The following HHLA1 variants were observed in gnomAD, a reference collection of about 807,000 sequenced individuals.
HHLA1 encodes HHLA1 neighbor of OC90, also known as HERV-H LTR-associating protein 1.
A neutral mutation model predicts 69.9 loss-of-function variants in HHLA1; 72 were observed. The ratio of observed to expected loss-of-function variants is 1.03; its 90% CI spans 0.85 to 1.25. The LOEUF is 1.25. Among genes scored for constraint, HHLA1 ranks in the 50% most tolerant of loss-of-function variants. HHLA1 has a pLI of 0.00. For synonymous variants in HHLA1, 252 were observed against 233.2 expected (o/e 1.08, Z -0.73); for missense variants, 685 against 642.2 (o/e 1.07, Z -0.72).
chr8:132,096,945 G>C (rs1029002643), intron 5 of HHLA1, among the ~76,000 whole-genome samples: 1 of 152,144 alleles, frequency 6.6e-6, no homozygotes, highest in Admixed American at 6.5e-5. Flanking sequence ...AAAGCGCTGG[G>C]ATTATAGGCA....
chr8:132,078,728 AAG>A (rs1242694715), intron 11 of HHLA1, among the ~76,000 whole-genome samples: 1 of 152,294 alleles, frequency 6.6e-6, no homozygotes, highest in East Asian at 1.9e-4. Context: ...GAGCTCAGGA[AAG>A]AGAGAGAACA....
intron 10 of HHLA1, among the ~76,000 whole-genome samples, chr8:132,082,038 G>A (rs939699253): frequency 6.6e-6 from 1 of 152,120 alleles, no homozygotes; most frequent in Non-Finnish European, 1.5e-5. Flanking sequence ...TGGGGAAATG[G>A]GGTGAATGTC....
intron 8 of HHLA1, among the ~76,000 whole-genome samples, chr8:132,088,890 AT>A (rs1172336196): frequency 1.3e-5 from 2 of 152,158 alleles, no homozygotes; most frequent in African/African-American, 4.8e-5. Context: ...CCCTTACAAG[AT>A]TATCTGACAC....
intron 11 of HHLA1, among the ~76,000 whole-genome samples, chr8:132,078,328 G>A (rs1417948960): frequency 6.6e-6 from 1 of 152,044 alleles, no homozygotes; most frequent in Non-Finnish European, 1.5e-5. Context: ...TGGGGTCTGA[G>A]GTGAGGAGAT....
chr8:132,101,581 A>C (rs867461120), intron 3 of HHLA1, among the ~76,000 whole-genome samples: 22 of 108,016 alleles, frequency 2.0e-4, no homozygotes, highest in African/African-American at 7.2e-4. Flanking sequence ...CTACCCTATT[A>C]ATTTTTTTTT....
chr8:132,108,536 C>A (rs2116464), intron 1 of HHLA1, among the ~76,000 whole-genome samples: 14,572 of 152,024 alleles, frequency 0.096, 991 homozygotes, highest in African/African-American at 0.17. Context: ...TTGTTTCTTC[C>A]GTGACACTTG....
chr8:132,078,057 T>C, intron 11 of HHLA1, 86 bp from the exon 12 acceptor site: 1 of 1,415,812 alleles, frequency 7.1e-7, no homozygotes, highest in Non-Finnish European at 9.7e-7. Context: ...ATTGAAACGT[T>C]ATCAAAGGGC....
chr8:132,084,508 G>A lies in HHLA1; in HGVS notation c.676+3145C>T, dbSNP rs190243461. ...AGACAGTTTGCCTATTTTACGACAA[G>A]AATTATTTAGATTTTGCAGGATGGA... is the stretch of plus-strand genomic sequence containing the variant. On this transcript the variant is annotated intron_variant, in intron 10 of 16. Transcript: ENST00000414222. Among the ~76,000 whole-genome samples, 1,298 of 152,236 alleles carry A rather than the reference G, an allele frequency of 8.5e-3. 19 individuals are homozygous for A. Among genetic ancestry groups the A allele is most frequent in the African/African-American group, 0.029 (1,217 of 41,540 alleles).
At chr8:132,082,835 G>A (rs920422679) in intron 10 of HHLA1, among the ~76,000 whole-genome samples, 9 of 152,160 alleles carry the variant, frequency 5.9e-5, no homozygotes, top group African/African-American at 1.9e-4. Context: ...TGCAGATCCT[G>A]AACTAACTTG....
chr8:132,071,348 C>T lies in HHLA1; in HGVS notation c.1461G>A (p.Glu487=). The stretch of plus-strand genomic sequence containing the variant: ...CCACTGGGCCAAGTTACCTCATGTC[C>T]TCTGTCCTGGGACTCCTCTGGCTCA... ...LCMSQRSPRT[E]DMRYCLEYYS... The change falls in exon 15 of 17, where the codon GAG becomes GAA. Residue 487 remains glutamate, a synonymous_variant. Coordinates refer to ENST00000414222, the MANE Select transcript of HHLA1 (RefSeq NM_001145095.3). 1 of 1,551,076 alleles carries T rather than the reference C, an allele frequency of 6.4e-7. No homozygotes were observed. The highest frequency in any genetic ancestry group is 2.4e-5 in the East Asian group (1 of 40,916).
In HHLA1 at chr8:132,095,593, A is replaced by C; in HGVS notation, c.374T>G (p.Leu125Arg). 1 of 1,547,384 alleles carries C rather than the reference A, an allele frequency of 6.5e-7. No individual in the cohort carries two copies. Residue 125 changes from leucine (L) to arginine (R), a missense_variant, in exon 7 of 17, where the codon CTG (leucine) becomes CGG (arginine). By Grantham distance (102) the Leu-to-Arg change is moderately radical (BLOSUM62 -2). Coordinates refer to ENST00000414222, the MANE Select transcript of HHLA1 (RefSeq NM_001145095.3). ...GAATTTGGCGGGGTCTACTGTCTTC[A>C]GGTTAGAAACTGTGAAGAGAAAGGA... ...FSVAVYNISN[L>R]KTVDPAKFPT...
chr8:132,110,530 C>A (rs971881677), intron 1 of HHLA1, among the ~76,000 whole-genome samples: 4 of 152,144 alleles, frequency 2.6e-5, no homozygotes, highest in Non-Finnish European at 4.4e-5. Flanking sequence ...CATATAGTAA[C>A]CCATTGGTCC....
Position 132,089,573 on chromosome 8 carries a change from T to A in HHLA1, c.475A>T (p.Ile159Phe), listed in dbSNP as rs1270915212. The part of the protein sequence containing the change: ...SDFTALLVDI[I>F]GNSTSYLTEI... ...GTGAGGTAGCTGGTAGAATTGCCGA[T>A]GATATCTACCAGTAGAGCTGTAAAA... The change falls in exon 8 of 17, where the codon ATC becomes TTC. Residue 159 changes from isoleucine to phenylalanine, a missense_variant. By Grantham distance (21) the Ile-to-Phe change is conservative (BLOSUM62 0). Transcript: ENST00000414222. 3 of 1,502,482 alleles carry A rather than the reference T, an allele frequency of 2.0e-6. No individual in the cohort carries two copies. The allele number at this position is 1,502,482 out of a possible 1,614,324, so 93.1% of individuals were successfully genotyped here.
In HHLA1 at chr8:132,087,648, C is replaced by T. The variant is rs1823885047; in HGVS notation, c.676+5G>A. On this transcript the variant is annotated splice_donor_5th_base_variant and intron_variant, in intron 10 of 16. Transcript: ENST00000414222. Reference sequence around the variant, plus strand: ...ATGGGAGGAGTTTGGGAGGTTGGTACTCACCCAGAACACCAGACAAGCCGC... The same window carrying T: ...ATGGGAGGAGTTTGGGAGGTTGGTATTCACCCAGAACACCAGACAAGCCGC... The T allele has an allele frequency of 5.8e-6, 9 of 1,544,702 alleles. No individual in the cohort carries two copies. In the East Asian group the frequency reaches 2.0e-4, roughly 34 times the overall value.
rs1313137861 is a variant in HHLA1, at chr8:132,104,182, G to T, written c.80-15C>A. The T allele has an allele frequency of 1.0e-5, 16 of 1,538,954 alleles. No individual in the cohort carries two copies. The highest frequency in any genetic ancestry group is 1.4e-5 in the Non-Finnish European group (16 of 1,136,494). The stretch of plus-strand genomic sequence containing the variant: ...GATGCCAGACACTAAAGTAAAAAAG[G>T]TTTAATCACAGAAATTATAACCAAG... On this transcript the variant is annotated splice_polypyrimidine_tract_variant and intron_variant, in intron 2 of 16. Transcript: ENST00000414222.
In HHLA1 at chr8:132,071,480, T is replaced by C. The variant is rs1240801043; in HGVS notation, c.1329A>G (p.Pro443=). Reference sequence around the variant, plus strand: ...CTGCCATAGCTCCCACCTTGAAGAGTGGCTGAGGACACCCTAGAAGATGCA... The same window carrying C: ...CTGCCATAGCTCCCACCTTGAAGAGCGGCTGAGGACACCCTAGAAGATGCA... The part of the protein sequence containing the change: ...RPHQVSRCPQ[P]LFKVGAMAAA... The change falls in exon 15 of 17, where the codon CCA becomes CCG. Residue 443 remains proline (P), a synonymous_variant. Transcript: ENST00000414222. 1 of 1,551,316 alleles carries C rather than the reference T, an allele frequency of 6.4e-7. No individual in the cohort carries two copies. The highest frequency in any genetic ancestry group is 8.7e-7 in the Non-Finnish European group (1 of 1,146,810).
At position 132,095,514 on chromosome 8, in the gene HHLA1, C is replaced by A. The variant is rs749860559; in HGVS notation, c.448+5G>T. The A allele has an allele frequency of 6.5e-7, 1 of 1,539,064 alleles. No individual in the cohort carries two copies. Among genetic ancestry groups the A allele is most frequent in the Non-Finnish European group, 8.8e-7 (1 of 1,135,522 alleles). On this transcript the variant is annotated splice_donor_5th_base_variant and intron_variant, in intron 7 of 16. Transcript: ENST00000414222. ...GCTGCAAGCCTCATGGTAAGCTGTA[C>A]CCACCTGATAAGTCATTGGTCCGAT...
rs1478701980 is a variant in HHLA1, at chr8:132,077,856, G to A, written c.1041C>T (p.Leu347=). Residue 347 remains leucine (L), a synonymous_variant, in exon 12 of 17, where the codon CTC becomes CTT. Coordinates refer to ENST00000414222, the MANE Select transcript of HHLA1 (RefSeq NM_001145095.3). The part of the protein sequence containing the change: ...TISEKKPGGS[L]WETRSSPPTT... ...TCGGTGGGGAAGAACGAGTTTCCCA[G>A]AGAGACCCTCCAGGTTTTTTCTCAC... 7.6e-5 allele frequency: 118 copies of A among 1,551,424 alleles called. 2 individuals are homozygous for A. In the East Asian group the frequency reaches 2.9e-3, roughly 38 times the overall value.
chr8:132,101,075 T>C (rs1824103529), intron 3 of HHLA1: 1 of 1,297,656 alleles, frequency 7.7e-7, no homozygotes, highest in Non-Finnish European at 1.0e-6. Context: ...GTATCACATG[T>C]AACATGAAAA....
Sources: gnomAD v4.1 joint callset for allele counts (sites outside exome capture counted in the v4.1 genomes callset) on GRCh38, gnomAD v4.1.1 for gene constraint, MANE v1.5 for transcripts, NCBI Gene and HGNC (gene_info 2026-07-23, HGNC 2026-07-21) for gene names.